The following LHFPL6 variants were observed in gnomAD, a reference collection of about 807,000 sequenced individuals.
The protein encoded by LHFPL6 is LHFPL tetraspan subfamily member 6 protein.
LHFPL6 carries 9 observed loss-of-function variants against 20.6 expected under a neutral mutation model. That is an observed-to-expected ratio of 0.44 (90% confidence interval 0.26 to 0.76). The LOEUF (loss-of-function observed/expected upper bound fraction) is 0.76. Ranked by LOEUF, LHFPL6 falls within the 30% of genes least tolerant of loss-of-function variation. LHFPL6 has a pLI of 0.20. For synonymous variants in LHFPL6, 105 were observed against 98.7 expected (o/e 1.06, Z -0.38); for missense variants, 218 against 253.5 (o/e 0.86, Z 0.95).
intron 2 of LHFPL6, among the ~76,000 whole-genome samples, chr13:39,410,266 T>C (rs1249845566): frequency 6.6e-6 from 1 of 152,238 alleles, no homozygotes; most frequent in Non-Finnish European, 1.5e-5. Flanking sequence ...TCATTTGGCT[T>C]TCAGCAGGCA....
intron 2 of LHFPL6, among the ~76,000 whole-genome samples, chr13:39,524,254 A>G (rs1870213810): frequency 6.6e-6 from 1 of 151,976 alleles, no homozygotes; most frequent in Non-Finnish European, 1.5e-5. Flanking sequence ...ACTGGATTAC[A>G]CTCAGTGTAA....
At chr13:39,483,201 A>T (rs1868595874) in intron 2 of LHFPL6, among the ~76,000 whole-genome samples, 1 of 150,598 alleles carries the variant, frequency 6.6e-6, no homozygotes. Context: ...TATACAAGTG[A>T]TTTATTTGAA....
chr13:39,516,393 C>T (rs559838644), intron 2 of LHFPL6, among the ~76,000 whole-genome samples: 2 of 152,270 alleles, frequency 1.3e-5, no homozygotes, highest in Non-Finnish European at 2.9e-5. Context: ...CAGCCCCTGG[C>T]TTGATTTTGC....
At chr13:39,436,999 T>C (rs544471221) in intron 2 of LHFPL6, among the ~76,000 whole-genome samples, 2 of 152,350 alleles carry the variant, frequency 1.3e-5, no homozygotes, top group African/African-American at 4.8e-5. Context: ...ATAACCTGCC[T>C]AGACCTCTCC....
chr13:39,594,744 T>A (rs937757770), intron 2 of LHFPL6, among the ~76,000 whole-genome samples: 6 of 152,120 alleles, frequency 3.9e-5, no homozygotes, highest in Non-Finnish European at 7.3e-5. Flanking sequence ...TAGACTGGAT[T>A]AAGAAAATGT....
chr13:39,369,567 T>TTTCC lies in LHFPL6; in HGVS notation c.484+8857_484+8860dup, dbSNP rs776843003. ...TCTGTGATCAAAAATTCATAGTAGG[T>TTTCC]TTCCTTCCTTCCTTCCTTCCTTCCT... On this transcript the variant is annotated intron_variant, in intron 3 of 3. Transcript: ENST00000379589. Among the ~76,000 whole-genome samples the TTTCC allele has an allele frequency of 1.7e-3, 46 of 27,844 alleles. 2 individuals are homozygous for TTTCC. The highest frequency in any genetic ancestry group is 4.4e-3 in the African/African-American group (45 of 10,182). 18.3% of individuals were successfully genotyped at this position (27,844 alleles called of 152,430 possible). A position where few individuals can be genotyped will look rare whatever the true frequency, so the allele number is the denominator to read the frequency against.
chr13:39,471,478 AG>A (rs1872944294), intron 2 of LHFPL6, among the ~76,000 whole-genome samples: 2 of 152,194 alleles, frequency 1.3e-5, no homozygotes, highest in Non-Finnish European at 2.9e-5. Flanking sequence ...TTGCTGTGGC[AG>A]GCAGCTTCTT....
At chr13:39,428,035 T>A (rs1871689646) in intron 2 of LHFPL6, among the ~76,000 whole-genome samples, 1 of 152,234 alleles carries the variant, frequency 6.6e-6, no homozygotes, top group Admixed American at 6.5e-5. Context: ...GCAAAGCAGA[T>A]GCTAGGATTG....
intron 3 of LHFPL6, among the ~76,000 whole-genome samples, chr13:39,348,660 C>A (rs1315548791): frequency 1.3e-5 from 2 of 152,124 alleles, no homozygotes; most frequent in Admixed American, 6.5e-5. Context: ...AGTGAATGAA[C>A]AAAGACTTTC....
At chr13:39,565,200 A>C (rs1342309169) in intron 2 of LHFPL6, among the ~76,000 whole-genome samples, 2 of 73,394 alleles carry the variant, frequency 2.7e-5, no homozygotes, top group Admixed American at 1.3e-4. Flanking sequence ...GAAAGATAAA[A>C]CAGAGAAAAA....
At chr13:39,394,864 C>T (rs773938558) in intron 2 of LHFPL6, among the ~76,000 whole-genome samples, 6 of 152,046 alleles carry the variant, frequency 3.9e-5, no homozygotes, top group East Asian at 1.9e-4. Flanking sequence ...TTTTGTTGCT[C>T]GGTCCAAAGC....
intron 2 of LHFPL6, among the ~76,000 whole-genome samples, chr13:39,418,401 T>TTTTTTC (rs199555981): frequency 2.8e-5 from 4 of 145,358 alleles, no homozygotes; most frequent in African/African-American, 7.7e-5. Flanking sequence ...TTTTTTTTTT[T>TTTTTTC]CCAGAATGCC....
intron 2 of LHFPL6, among the ~76,000 whole-genome samples, chr13:39,412,918 G>C (rs1485530232): frequency 1.1e-5 from 1 of 88,956 alleles, no homozygotes; most frequent in South Asian, 3.7e-4. Flanking sequence ...CAATACTCCC[G>C]TCTCAAAAAA....
intron 2 of LHFPL6, among the ~76,000 whole-genome samples, chr13:39,508,335 T>C (rs1483439365): frequency 3.3e-5 from 5 of 152,156 alleles, no homozygotes; most frequent in East Asian, 1.9e-4. Context: ...ATAATTTACA[T>C]ATAATTACAT....
At chr13:39,479,987 C>T (rs910189642) in intron 2 of LHFPL6, among the ~76,000 whole-genome samples, 3 of 152,124 alleles carry the variant, frequency 2.0e-5, no homozygotes, top group Non-Finnish European at 2.9e-5. Flanking sequence ...TTTTTCGATC[C>T]ACATTATAAA....
chr13:39,502,698 T>C (rs1869334973), intron 2 of LHFPL6, among the ~76,000 whole-genome samples: 1 of 152,118 alleles, frequency 6.6e-6, no homozygotes, highest in African/African-American at 2.4e-5. Flanking sequence ...AAGCCCCAAG[T>C]GATTCTATTT....
chr13:39,458,818 G>A (rs1872628329), intron 2 of LHFPL6, among the ~76,000 whole-genome samples: 2 of 152,014 alleles, frequency 1.3e-5, no homozygotes, highest in African/African-American at 4.8e-5. Flanking sequence ...CATTTGGATG[G>A]GAACATGAGA....
chr13:39,435,660 A>G (rs1163820087), intron 2 of LHFPL6, among the ~76,000 whole-genome samples: 2 of 152,208 alleles, frequency 1.3e-5, no homozygotes, highest in Non-Finnish European at 2.9e-5. Flanking sequence ...ATACATAGAC[A>G]GCGAAATACG....
chr13:39,447,510 T>C (rs772220507), intron 2 of LHFPL6, among the ~76,000 whole-genome samples: 5 of 152,318 alleles, frequency 3.3e-5, no homozygotes, highest in South Asian at 4.2e-4. Context: ...CCATGAAAGA[T>C]ACTGTGTGTC....
Sources: allele counts gnomAD v4.1 joint callset (sites outside exome capture counted in the v4.1 genomes callset), GRCh38; gene constraint gnomAD v4.1.1; transcripts MANE v1.5; gene names NCBI Gene and HGNC (gene_info 2026-07-23, HGNC 2026-07-21).